NCKAP5: variants seen among roughly 807,000 people sequenced by gnomAD.
The protein encoded by NCKAP5 is NCK associated protein 5, also known as nck-associated protein 5.
Under a neutral mutation model 167.0 loss-of-function variants are expected in NCKAP5, and 92 were observed. That is an observed-to-expected ratio of 0.55 (90% CI 0.47 to 0.66). The LOEUF (loss-of-function observed/expected upper bound fraction) is 0.66. NCKAP5 is among the 30% of genes least tolerant of loss of function. NCKAP5 has a pLI of 0.00. For synonymous variants in NCKAP5, 891 were observed against 877.4 expected (o/e 1.02, Z -0.27); for missense variants, 2,378 against 2,315.0 (o/e 1.03, Z -0.56).
chr2:132,942,809 C>A, intron 8 of NCKAP5, among the ~76,000 whole-genome samples: 1 of 152,296 alleles, frequency 6.6e-6, no homozygotes, highest in African/African-American at 2.4e-5. Flanking sequence ...TTCACCAGGC[C>A]AAAGTAATCA....
intron 8 of NCKAP5, chr2:132,930,051 TAAC>T (rs1182650281): frequency 6.6e-6 from 1 of 152,208 alleles, no homozygotes; most frequent in Non-Finnish European, 1.5e-5. Flanking sequence ...GATCCAGTGA[TAAC>T]AGCCTTGCAG....
chr2:132,844,856 C>T (rs935098479), intron 11 of NCKAP5, among the ~76,000 whole-genome samples: 1 of 152,160 alleles, frequency 6.6e-6, no homozygotes, highest in African/African-American at 2.4e-5. Flanking sequence ...CCAAGAATTG[C>T]TGTACTTATT....
chr2:133,645,022 G>A, the NCKAP5 span, among the ~76,000 whole-genome samples: 1,342 of 152,224 alleles, frequency 8.8e-3, 16 homozygotes, highest in Middle Eastern at 0.02. Flanking sequence ...AGCTGCAAAG[G>A]GAACTCCAAT....
At chr2:133,377,764 C>T (rs1686248674) in intron 3 of NCKAP5, among the ~76,000 whole-genome samples, 1 of 152,172 alleles carries the variant, frequency 6.6e-6, no homozygotes. Flanking sequence ...ACACATACCA[C>T]ATGAGGTAGG....
chr2:133,355,622 T>G (rs1167014106), intron 3 of NCKAP5, among the ~76,000 whole-genome samples: 1 of 152,140 alleles, frequency 6.6e-6, no homozygotes, highest in East Asian at 1.9e-4. Flanking sequence ...TTTTGTATAT[T>G]TTAGTCTGAC....
At chr2:133,599,615 AC>A in the NCKAP5 span, among the ~76,000 whole-genome samples, 4 of 152,170 alleles carry the variant, frequency 2.6e-5, no homozygotes, top group Non-Finnish European at 5.9e-5. Context: ...CACTTCACTG[AC>A]CTAAAGCAGG....
intron 3 of NCKAP5, among the ~76,000 whole-genome samples, chr2:133,506,270 C>T (rs1047204645): frequency 6.6e-6 from 1 of 152,234 alleles, no homozygotes; most frequent in African/African-American, 2.4e-5. Flanking sequence ...TGGAAAACAA[C>T]ACACAAAAAT....
intron 6 of NCKAP5, among the ~76,000 whole-genome samples, chr2:133,066,665 C>T (rs1346890035): frequency 1.3e-5 from 2 of 152,136 alleles, no homozygotes; most frequent in South Asian, 2.1e-4. Context: ...GAAATGTACA[C>T]CCCCTAGCAT....
At chr2:133,420,067 G>T (rs1052012699) in intron 3 of NCKAP5, among the ~76,000 whole-genome samples, 7 of 152,136 alleles carry the variant, frequency 4.6e-5, no homozygotes, top group Non-Finnish European at 1.0e-4. Flanking sequence ...ACTCTCTACT[G>T]TGTTTTCTAA....
chr2:132,784,697 G>C lies in NCKAP5; in HGVS notation c.2114C>G (p.Pro705Arg). 6.2e-7 allele frequency: 1 copy of C among 1,613,976 alleles called. No individual in the cohort carries two copies. The highest frequency in any genetic ancestry group is 8.5e-7 in the Non-Finnish European group (1 of 1,179,880). The change falls in exon 14 of 20, where the codon CCC becomes CGC. Residue 705 changes from proline to arginine, a missense_variant. Coordinates refer to ENST00000409261, the MANE Select transcript of NCKAP5 (RefSeq NM_207363.3). ...TAAAAGCTCAGTATGTTCTGCCTTG[G>C]GTCCAGCAGGAGTTGAATTGATGGA... ...EISINSTPAG[P>R]KAEHTELLPQ...
chr2:132,772,569 T>C (rs1477572096), intron 16 of NCKAP5, among the ~76,000 whole-genome samples: 2 of 152,230 alleles, frequency 1.3e-5, no homozygotes, highest in Non-Finnish European at 2.9e-5. Flanking sequence ...AATGTCATGT[T>C]TGAAGGCTGT....
chr2:132,869,521 A>T (rs1443406724), intron 9 of NCKAP5, among the ~76,000 whole-genome samples: 1 of 152,126 alleles, frequency 6.6e-6, no homozygotes, highest in Non-Finnish European at 1.5e-5. Flanking sequence ...GCTACCTGTA[A>T]TATAATCTGG....
the NCKAP5 span, among the ~76,000 whole-genome samples, chr2:133,586,119 A>G: frequency 6.6e-6 from 1 of 152,206 alleles, no homozygotes; most frequent in African/African-American, 2.4e-5. Context: ...TGGGGTTTTC[A>G]ATAGTAAAAG....
chr2:133,405,314 G>C (rs1259707867), intron 3 of NCKAP5, among the ~76,000 whole-genome samples: 1 of 152,132 alleles, frequency 6.6e-6, no homozygotes, highest in African/African-American at 2.4e-5. Flanking sequence ...CTTGAACAAA[G>C]CTTATCTAAT....
At chr2:132,922,332 T>G (rs1213505456) in intron 8 of NCKAP5, among the ~76,000 whole-genome samples, 1 of 152,196 alleles carries the variant, frequency 6.6e-6, no homozygotes, top group African/African-American at 2.4e-5. Context: ...AAGAGTCACT[T>G]GGAGAAGAAG....
At chr2:133,390,754 T>G (rs553459980) in intron 3 of NCKAP5, among the ~76,000 whole-genome samples, 47 of 152,152 alleles carry the variant, frequency 3.1e-4, no homozygotes, top group Non-Finnish European at 6.0e-4. Context: ...CACCGTTACC[T>G]GTGTCTAGGC....
chr2:133,022,575 A>G (rs1319211804), intron 6 of NCKAP5, among the ~76,000 whole-genome samples: 2 of 152,138 alleles, frequency 1.3e-5, no homozygotes, highest in Non-Finnish European at 2.9e-5. Context: ...CATCACAGAG[A>G]AAACCAGAGT....
chr2:133,299,436 T>A (rs1680199392), intron 4 of NCKAP5, among the ~76,000 whole-genome samples: 1 of 151,808 alleles, frequency 6.6e-6, no homozygotes, highest in African/African-American at 2.4e-5. Context: ...ACTCTCCCCA[T>A]GCCGCAAGGA....
At chr2:133,466,796 A>C (rs1692631015) in intron 3 of NCKAP5, among the ~76,000 whole-genome samples, 1 of 151,762 alleles carries the variant, frequency 6.6e-6, no homozygotes, top group Non-Finnish European at 1.5e-5. Context: ...TTCACTCATG[A>C]TTTGGCTCTC....
Sources: allele counts gnomAD v4.1 joint callset (sites outside exome capture counted in the v4.1 genomes callset), GRCh38; gene constraint gnomAD v4.1.1; transcripts MANE v1.5; gene names NCBI Gene and HGNC (gene_info 2026-07-23, HGNC 2026-07-21).